ZFPM2: variants seen among roughly 807,000 people sequenced by gnomAD.
ZFPM2 encodes the protein zinc finger protein, FOG family member 2.
Under a neutral mutation model 98.6 loss-of-function variants are expected in ZFPM2, and 20 were observed. The observed-to-expected ratio is 0.20, with a 90% CI of 0.14 to 0.29. ZFPM2 has a LOEUF of 0.29. Ranked by LOEUF, ZFPM2 falls within the 10% of genes least tolerant of loss-of-function variation. The probability of loss-of-function intolerance (pLI) is 1.00; values close to 1 mark genes in which losing one functional copy is unlikely to be tolerated. For synonymous variants in ZFPM2, 518 were observed against 502.7 expected (o/e 1.03, Z -0.41); for missense variants, 1,310 against 1,388.6 (o/e 0.94, Z 0.90).
At chr8:105,623,164 A>AT (rs925045770) in intron 4 of ZFPM2, among the ~76,000 whole-genome samples, 7 of 151,906 alleles carry the variant, frequency 4.6e-5, no homozygotes, top group Non-Finnish European at 8.8e-5. Context: ...CCAAGATTTT[A>AT]TTTTTTTTGC....
At chr8:105,437,049 CT>C (rs1455263137) in intron 2 of ZFPM2, among the ~76,000 whole-genome samples, 2 of 151,934 alleles carry the variant, frequency 1.3e-5, no homozygotes, top group African/African-American at 2.4e-5. Context: ...AGTCATCTTT[CT>C]TTTTTTATTT....
At chr8:105,729,702 C>A (rs1811887732) in intron 5 of ZFPM2, among the ~76,000 whole-genome samples, 1 of 151,712 alleles carries the variant, frequency 6.6e-6, no homozygotes, top group Admixed American at 6.6e-5. Context: ...CTGCAAATTT[C>A]TATCCTATGG....
At position 105,636,406 on chromosome 8, in the gene ZFPM2, A is replaced by G. The variant is rs149944905; in HGVS notation, c.532+2049A>G. On this transcript the variant is annotated intron_variant, in intron 5 of 7. Coordinates refer to ENST00000407775, the MANE Select transcript of ZFPM2 (RefSeq NM_012082.4). ...TGTGCTAACCTTGTACATTGATGAT[A>G]ATAGCCACCATTTATTGGGCACACC... Among the ~76,000 whole-genome samples, 149 of 152,282 alleles carry G rather than the reference A, an allele frequency of 9.8e-4. 3 individuals carry two copies. In the East Asian group the frequency reaches 0.027, roughly 27 times the overall value.
At chr8:105,715,006 C>T (rs1334578636) in intron 5 of ZFPM2, among the ~76,000 whole-genome samples, 2 of 152,168 alleles carry the variant, frequency 1.3e-5, no homozygotes, top group Middle Eastern at 3.4e-3. Context: ...TTGGTGTTCA[C>T]TTTTGTCTTA....
intron 3 of ZFPM2, among the ~76,000 whole-genome samples, chr8:105,459,876 C>T (rs539390354): frequency 5.5e-4 from 84 of 152,188 alleles, no homozygotes; most frequent in African/African-American, 1.8e-3. Flanking sequence ...GGAGTGGATA[C>T]GGTGGCTGTA....
intron 1 of ZFPM2, among the ~76,000 whole-genome samples, chr8:105,368,508 A>T (rs927050277): frequency 2.6e-5 from 4 of 152,224 alleles, no homozygotes; most frequent in African/African-American, 9.6e-5. Context: ...ATTGATGCTT[A>T]AATCTAAGTA....
rs558661110 is a variant in ZFPM2, at chr8:105,532,035, G to A, written c.302-29328G>A. 1.3e-4 allele frequency among the ~76,000 whole-genome samples: 20 copies of A among 151,956 alleles called. No individual in the cohort carries two copies. In the East Asian group the frequency reaches 3.7e-3, roughly 28 times the overall value. ...CTCACTTCAGCCTCCAGAGTAGCTGGGACTACAGGTGCACACCACCACACC... is the reference window on the plus strand; with the variant it reads ...CTCACTTCAGCCTCCAGAGTAGCTGAGACTACAGGTGCACACCACCACACC... On this transcript the variant is annotated intron_variant, in intron 3 of 7. Coordinates refer to ENST00000407775, the MANE Select transcript of ZFPM2 (RefSeq NM_012082.4).
At chr8:105,704,575 C>A (rs542494442) in intron 5 of ZFPM2, among the ~76,000 whole-genome samples, 1 of 152,066 alleles carries the variant, frequency 6.6e-6, no homozygotes, top group South Asian at 2.1e-4. Flanking sequence ...AATATGTGGG[C>A]GATTCAAGCT....
At chr8:105,598,537 G>T (rs1333252603) in intron 4 of ZFPM2, among the ~76,000 whole-genome samples, 5 of 151,986 alleles carry the variant, frequency 3.3e-5, no homozygotes, top group Non-Finnish European at 7.4e-5. Context: ...TTAACTTCTG[G>T]AAAAATGATC....
chr8:105,681,641 G>T (rs1314979443), intron 5 of ZFPM2, among the ~76,000 whole-genome samples: 4 of 152,126 alleles, frequency 2.6e-5, no homozygotes, highest in Non-Finnish European at 4.4e-5. Context: ...GTGTTGTAGA[G>T]AACCTTCTGG....
chr8:105,405,753 T>C (rs1307796843), intron 1 of ZFPM2, among the ~76,000 whole-genome samples: 1 of 152,128 alleles, frequency 6.6e-6, no homozygotes, highest in East Asian at 1.9e-4. Context: ...TGTGCATGTG[T>C]CTTTATAACA....
intron 5 of ZFPM2, among the ~76,000 whole-genome samples, chr8:105,651,324 C>G (rs556970657): frequency 4.0e-5 from 6 of 151,858 alleles, no homozygotes; most frequent in Non-Finnish European, 7.4e-5. Context: ...AAAAATTAGC[C>G]GGGTGTGGTG....
Position 105,634,289 on chromosome 8 carries a change from A to C in ZFPM2, c.464A>C (p.Lys155Thr), listed in dbSNP as rs1165326852. 6.2e-7 allele frequency: 1 copy of C among 1,612,996 alleles called. No homozygotes were observed. Among genetic ancestry groups the C allele is most frequent in the African/African-American group, 1.3e-5 (1 of 74,912 alleles). Residue 155 changes from lysine (K) to threonine (T), a missense_variant, in exon 5 of 8, where the codon AAG (lysine) becomes ACG (threonine). Coordinates refer to ENST00000407775, the MANE Select transcript of ZFPM2 (RefSeq NM_012082.4). Reference protein sequence around the residue: ...QVPMVLTAGPKWLLDVTWQGV... With the variant: ...QVPMVLTAGPTWLLDVTWQGV... Reference sequence around the variant, plus strand: ...CCAATGGTGCTGACTGCTGGTCCCAAGTGGTTGCTGGATGTGACTTGGCAA... The same window carrying C: ...CCAATGGTGCTGACTGCTGGTCCCACGTGGTTGCTGGATGTGACTTGGCAA...
intron 3 of ZFPM2, among the ~76,000 whole-genome samples, chr8:105,469,978 T>G (rs1812866201): frequency 6.6e-6 from 1 of 152,204 alleles, no homozygotes; most frequent in Non-Finnish European, 1.5e-5. Flanking sequence ...CCCATTTTAC[T>G]ACCCAATAAG....
At chr8:105,620,241 G>A (rs1389045090) in intron 4 of ZFPM2, among the ~76,000 whole-genome samples, 1 of 152,122 alleles carries the variant, frequency 6.6e-6, no homozygotes, top group Admixed American at 6.6e-5. Context: ...CTGTGAGATG[G>A]TATCTCATTG....
At chr8:105,612,802 T>C (rs16873442) in intron 4 of ZFPM2, among the ~76,000 whole-genome samples, 13,212 of 152,236 alleles carry the variant, frequency 0.087, 1,011 homozygotes, top group East Asian at 0.37. Context: ...CATTTCAGCA[T>C]GTGAACCAAC....
intron 4 of ZFPM2, among the ~76,000 whole-genome samples, chr8:105,629,914 A>G (rs1307037215): frequency 6.6e-6 from 1 of 152,140 alleles, no homozygotes; most frequent in Non-Finnish European, 1.5e-5. Flanking sequence ...GACTGGGCCC[A>G]TCTGGATAGT....
intron 3 of ZFPM2, among the ~76,000 whole-genome samples, chr8:105,447,411 G>T (rs1233850351): frequency 1.3e-5 from 2 of 151,886 alleles, no homozygotes; most frequent in African/African-American, 4.8e-5. Flanking sequence ...AATTAAATCA[G>T]ATCATATACA....
chr8:105,583,977 G>A (rs1384630142), intron 4 of ZFPM2, among the ~76,000 whole-genome samples: 3 of 152,104 alleles, frequency 2.0e-5, no homozygotes, highest in Non-Finnish European at 4.4e-5. Flanking sequence ...TAAGATGGCA[G>A]GTTAATCACT....
Sources: allele counts gnomAD v4.1 joint callset (sites outside exome capture counted in the v4.1 genomes callset), GRCh38; gene constraint gnomAD v4.1.1; transcripts MANE v1.5; gene names NCBI Gene and HGNC (gene_info 2026-07-23, HGNC 2026-07-21).